Variants in PCDH15 observed in about 807,000 individuals in gnomAD.
PCDH15 encodes the protein protocadherin related 15.
PCDH15 carries 129 observed loss-of-function variants against 178.5 expected under a neutral mutation model. That is an observed-to-expected ratio of 0.72 (90% CI 0.63 to 0.84). The LOEUF (loss-of-function observed/expected upper bound fraction) is 0.84, where lower values mean the gene tolerates loss of function less well. PCDH15 is among the 40% of genes least tolerant of loss of function. The pLI is 0.00. For synonymous variants in PCDH15, 800 were observed against 732.0 expected (o/e 1.09, Z -1.50); for missense variants, 2,230 against 2,099.9 (o/e 1.06, Z -1.21).
At chr10:55,516,841 T>A (rs1841024831) in intron 2 of PCDH15, among the ~76,000 whole-genome samples, 1 of 152,146 alleles carries the variant, frequency 6.6e-6, no homozygotes, top group African/African-American at 2.4e-5. Context: ...ATTTTTTTTG[T>A]GAATTTGATC....
At chr10:55,269,426 A>G (rs1161195108) in intron 1 of PCDH15, among the ~76,000 whole-genome samples, 6 of 152,316 alleles carry the variant, frequency 3.9e-5, no homozygotes, top group Non-Finnish European at 8.8e-5. Context: ...AAAAGATTTT[A>G]GTAAGGTTTC....
chr10:54,784,337 T>TA (rs34935807), intron 1 of PCDH15, among the ~76,000 whole-genome samples: 13 of 145,970 alleles, frequency 8.9e-5, no homozygotes, highest in African/African-American at 2.5e-4. Flanking sequence ...ATAATAATAA[T>TA]AAAAAAAAAA....
At chr10:53,937,506 A>G (rs1263528742) in intron 25 of PCDH15, among the ~76,000 whole-genome samples, 2 of 152,186 alleles carry the variant, frequency 1.3e-5, no homozygotes, top group East Asian at 3.8e-4. Flanking sequence ...TAGAAACTCA[A>G]AGAATTCATC....
chr10:53,965,295 T>C (rs1260940866), intron 21 of PCDH15, among the ~76,000 whole-genome samples: 1 of 152,092 alleles, frequency 6.6e-6, no homozygotes, highest in Admixed American at 6.5e-5. Flanking sequence ...CCTGACCTCA[T>C]GATCCGCTCG....
rs368390691 is a variant in PCDH15, at chr10:54,500,868, GA to G, written c.157+26943del. Reference sequence around the variant, plus strand: ...GCCCATCAATGATAGACTGGATAAAGAAAATGTGGCACATATACACCATGGA... The same window carrying G: ...GCCCATCAATGATAGACTGGATAAAGAAATGTGGCACATATACACCATGGA... On this transcript the variant is annotated intron_variant, in intron 3 of 37. Coordinates refer to ENST00000644397, the MANE Select transcript of PCDH15 (RefSeq NM_001384140.1). Among the ~76,000 whole-genome samples the G allele has an allele frequency of 8.5e-4, 129 of 152,178 alleles. 3 individuals carry two copies. In the South Asian group the frequency reaches 0.02, roughly 24 times the overall value.
chr10:55,008,562 C>G (rs1839982306), intron 2 of PCDH15, among the ~76,000 whole-genome samples: 1 of 152,130 alleles, frequency 6.6e-6, no homozygotes, highest in Non-Finnish European at 1.5e-5. Flanking sequence ...TGATTCAGCC[C>G]TGCTAACTGC....
intron 3 of PCDH15, among the ~76,000 whole-genome samples, chr10:54,495,130 T>TG (rs1288471678): frequency 1.3e-5 from 2 of 152,126 alleles, no homozygotes; most frequent in Middle Eastern, 3.2e-3. Flanking sequence ...TCAGGTGGTG[T>TG]GGGGGGAAGT....
chr10:55,338,532 C>T (rs1335040778), intron 2 of PCDH15, among the ~76,000 whole-genome samples: 1 of 152,146 alleles, frequency 6.6e-6, no homozygotes, highest in Non-Finnish European at 1.5e-5. Context: ...CTCGGGGAGA[C>T]CAAGACAGGC....
chr10:54,434,006 C>T (rs768699022), intron 3 of PCDH15, among the ~76,000 whole-genome samples: 16 of 151,884 alleles, frequency 1.1e-4, no homozygotes, highest in Non-Finnish European at 1.9e-4. Flanking sequence ...TGGAAGACAG[C>T]GATATAGATC....
intron 2 of PCDH15, among the ~76,000 whole-genome samples, chr10:55,113,294 T>G (rs1837553681): frequency 6.6e-6 from 1 of 152,156 alleles, no homozygotes; most frequent in Non-Finnish European, 1.5e-5. Context: ...TAATGTCCTT[T>G]CCCTGTTCCT....
At chr10:53,948,673 C>T (rs2086770291) in intron 23 of PCDH15, among the ~76,000 whole-genome samples, 1 of 152,066 alleles carries the variant, frequency 6.6e-6, no homozygotes, top group African/African-American at 2.4e-5. Flanking sequence ...TTCTACTTTC[C>T]ATGGAGATTG....
chr10:55,592,287 A>C (rs1842858264), intron 2 of PCDH15, among the ~76,000 whole-genome samples: 1 of 152,136 alleles, frequency 6.6e-6, no homozygotes. Context: ...GGTTCAGCCA[A>C]TAAAAAGCAG....
intron 2 of PCDH15, among the ~76,000 whole-genome samples, chr10:55,380,710 G>T (rs537762588): frequency 6.6e-6 from 1 of 152,218 alleles, no homozygotes; most frequent in Non-Finnish European, 1.5e-5. Context: ...AAGGGGCCAA[G>T]AATGCAAACA....
intron 3 of PCDH15, among the ~76,000 whole-genome samples, chr10:54,893,295 A>G (rs1405647562): frequency 6.6e-6 from 1 of 152,204 alleles, no homozygotes; most frequent in Non-Finnish European, 1.5e-5. Context: ...AATATGTATT[A>G]TAATGCACTG....
intron 3 of PCDH15, among the ~76,000 whole-genome samples, chr10:54,440,593 TA>T (rs1304627433): frequency 6.6e-6 from 1 of 151,954 alleles, no homozygotes; most frequent in African/African-American, 2.4e-5. Context: ...ACATTTAATT[TA>T]AAATGCCCTT....
chr10:54,634,071 C>T (rs1201316795), intron 2 of PCDH15, among the ~76,000 whole-genome samples: 2 of 152,078 alleles, frequency 1.3e-5, no homozygotes, highest in Non-Finnish European at 2.9e-5. Flanking sequence ...TGTCCATAGC[C>T]AAATGACTGA....
intron 2 of PCDH15, among the ~76,000 whole-genome samples, chr10:54,943,875 A>G (rs1838123093): frequency 6.6e-6 from 1 of 151,716 alleles, no homozygotes; most frequent in East Asian, 1.9e-4. Flanking sequence ...AAAAAAAAAA[A>G]GCATGACATT....
intron 1 of PCDH15, among the ~76,000 whole-genome samples, chr10:54,779,427 C>T (rs1414384116): frequency 9.1e-6 from 1 of 109,538 alleles, no homozygotes; most frequent in African/African-American, 3.2e-5. Flanking sequence ...TATATACACA[C>T]ACATATGTGT....
At chr10:54,879,369 A>C (rs2131804352) in intron 3 of PCDH15, among the ~76,000 whole-genome samples, 1 of 152,240 alleles carries the variant, frequency 6.6e-6, no homozygotes, top group South Asian at 2.1e-4. Context: ...TTTTTACAAA[A>C]GTTTCTGGTA....
Sources: allele counts gnomAD v4.1 joint callset (sites outside exome capture counted in the v4.1 genomes callset), GRCh38; gene constraint gnomAD v4.1.1; transcripts MANE v1.5; gene names NCBI Gene and HGNC (gene_info 2026-07-23, HGNC 2026-07-21).